Variants in CMSS1 observed in about 807,000 individuals in gnomAD.
CMSS1 encodes the protein cms1 ribosomal small subunit homolog.
CMSS1 carries 33 observed loss-of-function variants against 43.5 expected under a neutral mutation model. The ratio of observed to expected loss-of-function variants is 0.76; its 90% CI spans 0.57 to 1.01. CMSS1 has a LOEUF of 1.01. Among genes scored for constraint, CMSS1 ranks in the 50% least tolerant of loss-of-function variants. The pLI is 0.00. For missense variants in CMSS1, 313 were observed against 326.4 expected, an observed-to-expected ratio of 0.96 and a Z score of 0.32; for synonymous variants, 115 against 117.2, an observed-to-expected ratio of 0.98 and a Z score of 0.12.
At chr3:99,830,720 G>A (rs929117429) in intron 1 of CMSS1, 1 of 403,356 alleles carries the variant, frequency 2.5e-6, no homozygotes, top group Non-Finnish European at 5.0e-6. Flanking sequence ...ACCAGTTTCT[G>A]GGGATGTATC....
At chr3:99,989,003 T>C (rs577030548) in intron 1 of CMSS1, among the ~76,000 whole-genome samples, 1 of 152,340 alleles carries the variant, frequency 6.6e-6, no homozygotes, top group African/African-American at 2.4e-5. Flanking sequence ...GTACATTTTT[T>C]ATGGACTTCA....
intron 1 of CMSS1, chr3:99,876,173 CGAGCGGGGCGCT>C: frequency 1.0e-6 from 1 of 985,512 alleles, no homozygotes; most frequent in Non-Finnish European, 1.2e-6. Flanking sequence ...CCGAACAATG[CGAGCGGGGCGCT>C]GAGCGCGCCC....
At chr3:99,884,589 G>A (rs1208873879) in intron 1 of CMSS1, among the ~76,000 whole-genome samples, 2 of 152,160 alleles carry the variant, frequency 1.3e-5, no homozygotes, top group South Asian at 2.1e-4. Context: ...CACTTTATGG[G>A]ATTCTGTAGG....
At chr3:100,001,831 T>A (rs1007405559) in intron 1 of CMSS1, among the ~76,000 whole-genome samples, 6 of 152,330 alleles carry the variant, frequency 3.9e-5, no homozygotes, top group Admixed American at 1.3e-4. Flanking sequence ...GATGGGTGTC[T>A]TGTTGAATGC....
rs1223446793 is a variant in CMSS1, at chr3:100,178,340, A to T, written c.792A>T (p.Gly264=). 1 of 1,613,224 alleles carries T rather than the reference A, an allele frequency of 6.2e-7. No homozygotes were observed. The highest frequency in any genetic ancestry group is 1.1e-5 in the South Asian group (1 of 91,030). Reference sequence around the variant, plus strand: ...AGGTATTCGAACTTCTGGAAATGGGAGTGCTCAGTCTGTGCAAGTCAGAAT... The same window carrying T: ...AGGTATTCGAACTTCTGGAAATGGGTGTGCTCAGTCTGTGCAAGTCAGAAT... ...RKEVFELLEM[G]VLSLCKSESL... Residue 264 remains glycine, a synonymous_variant, in exon 10 of 10, where the codon GGA becomes GGT. Coordinates refer to ENST00000421999, the MANE Select transcript of CMSS1 (RefSeq NM_032359.4).
At chr3:100,066,311 T>A (rs1385537831) in intron 1 of CMSS1, among the ~76,000 whole-genome samples, 1 of 152,214 alleles carries the variant, frequency 6.6e-6, no homozygotes, top group Non-Finnish European at 1.5e-5. Flanking sequence ...CTTACAGAAA[T>A]TAAAGTATGT....
intron 1 of CMSS1, among the ~76,000 whole-genome samples, chr3:100,049,578 A>G (rs1363516770): frequency 2.0e-5 from 3 of 152,248 alleles, no homozygotes; most frequent in Non-Finnish European, 4.4e-5. Flanking sequence ...CAGAGATAAT[A>G]GTGAGAAACA....
intron 1 of CMSS1, among the ~76,000 whole-genome samples, chr3:99,996,420 A>G (rs1052937337): frequency 6.6e-6 from 1 of 152,140 alleles, no homozygotes; most frequent in Admixed American, 6.5e-5. Flanking sequence ...CAACTTTCCC[A>G]CATTTTCCTG....
intron 1 of CMSS1, among the ~76,000 whole-genome samples, chr3:100,107,048 A>T (rs559515600): frequency 1.3e-5 from 2 of 152,270 alleles, no homozygotes; most frequent in Non-Finnish European, 2.9e-5. Flanking sequence ...CACAGCCAAG[A>T]GATATAAATT....
At chr3:100,147,243 GTTT>G (rs2066860574) in intron 2 of CMSS1, among the ~76,000 whole-genome samples, 182 bp downstream of exon 2, 1 of 127,572 alleles carries the variant, frequency 7.8e-6, no homozygotes, top group South Asian at 2.7e-4. Context: ...AGCAAGTTCT[GTTT>G]TTTGCCCTAA....
rs767618588 is a variant in CMSS1, at chr3:99,861,525, C to T, written c.64+43482C>T. On this transcript the variant is annotated intron_variant, in intron 1 of 9. Coordinates refer to ENST00000421999, the MANE Select transcript of CMSS1 (RefSeq NM_032359.4). Reference sequence around the variant, plus strand: ...ATGCTTTCATTGTTTATCATTGTCTCCATTCCTTCCTCCCACTCTCTGCAG... The same window carrying T: ...ATGCTTTCATTGTTTATCATTGTCTTCATTCCTTCCTCCCACTCTCTGCAG... 3.9e-5 allele frequency among the ~76,000 whole-genome samples: 6 copies of T among 152,292 alleles called. 1 individual carries two copies. In the East Asian group the frequency reaches 7.7e-4, roughly 20 times the overall value.
chr3:100,007,814 GGCCACTGCCA>G (rs1016263666), intron 1 of CMSS1, among the ~76,000 whole-genome samples: 1 of 152,176 alleles, frequency 6.6e-6, no homozygotes, highest in Non-Finnish European at 1.5e-5. Flanking sequence ...ACAGGGAATT[GGCCACTGCCA>G]GCCACTGAGG....
chr3:99,873,165 G>C (rs949612394), intron 1 of CMSS1, among the ~76,000 whole-genome samples: 1 of 152,134 alleles, frequency 6.6e-6, no homozygotes, highest in Non-Finnish European at 1.5e-5. Context: ...TTGCTTTGAA[G>C]GTTTGTGATG....
intron 1 of CMSS1, among the ~76,000 whole-genome samples, chr3:100,076,129 T>C (rs1359299037): frequency 6.6e-6 from 1 of 152,236 alleles, no homozygotes. Flanking sequence ...TTAAGAAATA[T>C]ATTTGTTAGT....
rs560601580 is a variant in CMSS1, at chr3:100,073,052, T to G, written c.65-73921T>G. 6.6e-5 allele frequency among the ~76,000 whole-genome samples: 10 copies of G among 152,296 alleles called. 1 individual carries two copies. The South Asian group carries it at 2.1e-3, about 32-fold the overall frequency. On this transcript the variant is annotated intron_variant, in intron 1 of 9. Coordinates refer to ENST00000421999, the MANE Select transcript of CMSS1 (RefSeq NM_032359.4). ...AATATCAGAGGCAAAGCATAATTAGTTTATGTGTATGTTCATAATAAAATG... is the reference window on the plus strand; with the variant it reads ...AATATCAGAGGCAAAGCATAATTAGGTTATGTGTATGTTCATAATAAAATG...
At chr3:99,904,148 G>T (rs911315277) in intron 1 of CMSS1, among the ~76,000 whole-genome samples, 5 of 152,188 alleles carry the variant, frequency 3.3e-5, no homozygotes, top group Admixed American at 2.6e-4. Flanking sequence ...TGAGTGTGAT[G>T]AATGTTTTTG....
At chr3:100,155,957 T>A (rs952702233) in intron 2 of CMSS1, among the ~76,000 whole-genome samples, 5 of 152,212 alleles carry the variant, frequency 3.3e-5, no homozygotes, top group Non-Finnish European at 5.9e-5. Flanking sequence ...TTTCTGAAAT[T>A]TCACAGTGAT....
At chr3:99,970,636 C>T (rs1211134312) in intron 1 of CMSS1, among the ~76,000 whole-genome samples, 1 of 152,060 alleles carries the variant, frequency 6.6e-6, no homozygotes, top group Non-Finnish European at 1.5e-5. Flanking sequence ...TACAGGGTCA[C>T]AAGAGTTTAA....
chr3:99,925,750 C>A, intron 1 of CMSS1: 1 of 538,336 alleles, frequency 1.9e-6, no homozygotes, highest in Non-Finnish European at 2.4e-6. Flanking sequence ...CCCAAGTGCA[C>A]TTGGTGGAAG....
Sources: allele counts gnomAD v4.1 joint callset (sites outside exome capture counted in the v4.1 genomes callset), GRCh38; gene constraint gnomAD v4.1.1; transcripts MANE v1.5; gene names NCBI Gene and HGNC (gene_info 2026-07-23, HGNC 2026-07-21).